Variants in ANGEL1 observed in about 807,000 individuals in gnomAD.
ANGEL1 encodes angel homolog 1.
ANGEL1 carries 62 observed loss-of-function variants against 76.4 expected under a neutral mutation model. The observed-to-expected ratio is 0.81, with a 90% CI of 0.66 to 1.00. ANGEL1 has a LOEUF of 1.00. Among genes scored for constraint, ANGEL1 ranks in the 50% least tolerant of loss-of-function variants. The pLI is 0.00. For missense variants in ANGEL1, 737 were observed against 836.7 expected (o/e 0.88, Z 1.47); for synonymous variants, 340 against 331.7 (o/e 1.03, Z -0.27).
In ANGEL1 at chr14:76,790,495, C is replaced by A. The variant is rs1894371568; in HGVS notation, c.1852+116G>T. On this transcript the variant is annotated intron_variant, in intron 9 of 9. Coordinates refer to ENST00000251089, the MANE Select transcript of ANGEL1 (RefSeq NM_015305.4). Reference sequence around the variant, plus strand: ...GACCAGTGCAAGGGAGGTATGAAATCTGCTCCTTTGCTGGTTAAATCCCAG... The same window carrying A: ...GACCAGTGCAAGGGAGGTATGAAATATGCTCCTTTGCTGGTTAAATCCCAG... 6 of 1,484,956 alleles carry A rather than the reference C, an allele frequency of 4.0e-6. No individual in the cohort carries two copies. In the Admixed American group the frequency reaches 1.4e-4, roughly 35 times the overall value. 92.0% of individuals were successfully genotyped at this position (1,484,956 alleles called of 1,614,324 possible). A position where few individuals can be genotyped will look rare whatever the true frequency, so the allele number is the denominator to read the frequency against.
Position 76,788,174 on chromosome 14 carries a change from G to A in ANGEL1, c.*1054C>T, listed in dbSNP as rs1196621694. ...AGGAACAGAAAATTGCTTCTTAGGA[G>A]TGGAGAGGAAAGAGAATCAGCTTAG... On this transcript the variant is annotated 3_prime_UTR_variant, in exon 10 of 10. Transcript: ENST00000251089. 1 of 152,252 alleles carries A rather than the reference G, an allele frequency of 6.6e-6. No homozygotes were observed. Among genetic ancestry groups the A allele is most frequent in the African/African-American group, 2.4e-5 (1 of 41,448 alleles). 9.4% of individuals were successfully genotyped at this position (152,252 alleles called of 1,614,324 possible). A position where few individuals can be genotyped will look rare whatever the true frequency, so the allele number is the denominator to read the frequency against.
At chr14:76,804,030 G>T (rs775349246) in intron 5 of ANGEL1, 118 bp from the exon 6 acceptor site, 38 of 1,595,076 alleles carry the variant, frequency 2.4e-5, no homozygotes, top group Non-Finnish European at 3.2e-5. Flanking sequence ...TACGTACATG[G>T]TATAAACAAG....
At chr14:76,793,425 G>GGGAGGGGAGA (rs1894476915) in intron 7 of ANGEL1, among the ~76,000 whole-genome samples, 1 of 82,252 alleles carries the variant, frequency 1.2e-5, no homozygotes, top group Non-Finnish European at 2.7e-5. Context: ...AAGAGGAGAG[G>GGGAGGGGAGA]GGAGGAGGAG....
chr14:76,796,925 GC>G (rs1422116520), intron 7 of ANGEL1, among the ~76,000 whole-genome samples: 2 of 150,636 alleles, frequency 1.3e-5, no homozygotes, highest in Non-Finnish European at 3.0e-5. Flanking sequence ...ATTACAATAT[GC>G]CACACACACA....
At chr14:76,810,833 A>T (rs1895062199) in intron 1 of ANGEL1, among the ~76,000 whole-genome samples, 1 of 152,214 alleles carries the variant, frequency 6.6e-6, no homozygotes, top group African/African-American at 2.4e-5. Context: ...TGAGCACAGT[A>T]TTTTGGTGAG....
chr14:76,789,376 T>C lies in ANGEL1; in HGVS notation c.1865A>G (p.Tyr622Cys), dbSNP rs1338748320. The change falls in exon 10 of 10, where the codon TAT becomes TGT. Residue 622 changes from tyrosine to cysteine, a missense_variant. This residue lies in a region of ANGEL1 where 296 missense variants were observed against 387.2 expected (regional missense o/e 0.76). Transcript: ENST00000251089. ...ENGNRTDHRL[Y>C]RDGTLKLLGR... ...CAGGAGCTTGAGAGTTCCATCTCGA[T>C]ACAGCCTGTGATCTGGGGCACAAAG... 7 of 1,614,046 alleles carry C rather than the reference T, an allele frequency of 4.3e-6. No individual in the cohort carries two copies. The highest frequency in any genetic ancestry group is 1.6e-4 in the Middle Eastern group (1 of 6,084).
chr14:76,789,016 A>C lies in ANGEL1; in HGVS notation c.*212T>G. ...AGGGCCACTGAGTGTGTGGCACAGG[A>C]TTAGGAAGAGGCTGGGGTGGGGCAA... On this transcript the variant is annotated 3_prime_UTR_variant, in exon 10 of 10. Transcript: ENST00000251089. 1.7e-6 allele frequency: 1 copy of C among 605,876 alleles called. No homozygotes were observed. The highest frequency in any genetic ancestry group is 2.8e-6 in the Non-Finnish European group (1 of 352,270). 37.5% of individuals were successfully genotyped at this position (605,876 alleles called of 1,614,324 possible).
At chr14:76,802,680 GAA>G (rs112496987) in intron 7 of ANGEL1, among the ~76,000 whole-genome samples, 1 of 140,610 alleles carries the variant, frequency 7.1e-6, no homozygotes, top group Non-Finnish European at 1.6e-5. Context: ...TACTCTTGTT[GAA>G]AAAAAAAAAA....
intron 8 of ANGEL1, 101 bp from the exon 9 acceptor site, chr14:76,790,875 C>A (rs1894385892): frequency 7.1e-7 from 1 of 1,414,358 alleles, no homozygotes. Flanking sequence ...AAAGGATGAT[C>A]TCAGATGACT....
intron 7 of ANGEL1, among the ~76,000 whole-genome samples, chr14:76,803,067 T>C (rs1029073847): frequency 6.6e-6 from 1 of 152,218 alleles, no homozygotes; most frequent in African/African-American, 2.4e-5. Context: ...GTGTAACTTC[T>C]CCCCTATATA....
rs2140217724 is a variant in ANGEL1, at chr14:76,798,728, ATT to A, written c.1618+4641_1618+4642del. The stretch of plus-strand genomic sequence containing the variant: ...TTTGGGAGGCCGAGGTGGGTGGATC[ATT>A]TGAGGCCAGGAGTTCAAGACCAGCC... On this transcript the variant is annotated intron_variant, in intron 7 of 9. Transcript: ENST00000251089. 2.6e-5 allele frequency among the ~76,000 whole-genome samples: 4 copies of A among 152,134 alleles called. 1 individual carries two copies. In the South Asian group the frequency reaches 8.3e-4, roughly 32 times the overall value.
At chr14:76,808,244 T>C (rs896670390) in intron 2 of ANGEL1, 96 bp from the exon 3 acceptor site, 16 of 1,049,000 alleles carry the variant, frequency 1.5e-5, no homozygotes, top group Admixed American at 4.7e-5. Flanking sequence ...TGCCTGAAGT[T>C]CCTTTTTCCA....
intron 7 of ANGEL1, among the ~76,000 whole-genome samples, chr14:76,797,566 CT>C (rs1346310973): frequency 6.6e-6 from 1 of 152,246 alleles, no homozygotes; most frequent in East Asian, 1.9e-4. Context: ...CGCCAATGCA[CT>C]CCAGCCCGGG....
chr14:76,793,402 GGGGATAAAAGGAAAGAGGA>G, intron 7 of ANGEL1, among the ~76,000 whole-genome samples: 1 of 53,420 alleles, frequency 1.9e-5, no homozygotes, highest in Non-Finnish European at 4.2e-5. Context: ...GGAGGGGAGA[GGGGATAAAAGGAAAGAGGA>G]GAGGGGAGGA....
At chr14:76,803,541 T>A in intron 6 of ANGEL1, 60 bp from the exon 7 acceptor site, 3 of 1,537,432 alleles carry the variant, frequency 2.0e-6, no homozygotes, top group Non-Finnish European at 2.7e-6. Flanking sequence ...TGCTGAGACC[T>A]CCTTAGTACC....
chr14:76,812,608 CGGGGCAG>C (rs1895122344), intron 1 of ANGEL1, 149 bp downstream of exon 1: 1 of 1,300,890 alleles, frequency 7.7e-7, no homozygotes, highest in Non-Finnish European at 9.8e-7. Flanking sequence ...GAGGGGCCCG[CGGGGCAG>C]GGGCTCAGGA....
chr14:76,793,397 GGAGAGGGGA>G, intron 7 of ANGEL1, among the ~76,000 whole-genome samples: 1 of 51,610 alleles, frequency 1.9e-5, no homozygotes, highest in Non-Finnish European at 4.5e-5. Context: ...GGAGAGGAGG[GGAGAGGGGA>G]TAAAAGGAAA....
Position 76,812,798 on chromosome 14 carries a change from C to G in ANGEL1, c.30G>C (p.Leu10=). 6.6e-7 allele frequency: 1 copy of G among 1,521,592 alleles called. No homozygotes were observed. The highest frequency in any genetic ancestry group is 8.8e-7 in the Non-Finnish European group (1 of 1,139,446). 94.3% of individuals were successfully genotyped at this position (1,521,592 alleles called of 1,614,324 possible). A position where few individuals can be genotyped will look rare whatever the true frequency, so the allele number is the denominator to read the frequency against. MIASCLCYL[L]LPATRLFRAL... is the part of the protein sequence containing the mutation. Reference sequence around the variant, plus strand: ...CGCGGAAGAGGCGCGTGGCCGGCAGCAGCAGGTAACACAAGCACGACGCGA... The same window carrying G: ...CGCGGAAGAGGCGCGTGGCCGGCAGGAGCAGGTAACACAAGCACGACGCGA... Residue 10 remains leucine (L), a synonymous_variant, in exon 1 of 10, where the codon CTG becomes CTC. Transcript: ENST00000251089.
chr14:76,812,140 T>C (rs8004199), intron 1 of ANGEL1, among the ~76,000 whole-genome samples: 24,195 of 152,222 alleles, frequency 0.16, 2,114 homozygotes, highest in African/African-American at 0.2. Context: ...CGACTGGGCA[T>C]TGCCCCCACC....
Sources: gnomAD v4.1 joint callset for allele counts (sites outside exome capture counted in the v4.1 genomes callset) on GRCh38, gnomAD v4.1.1 for gene constraint, gnomAD v4.1.1 regional missense constraint, MANE v1.5 for transcripts, NCBI Gene and HGNC (gene_info 2026-07-23, HGNC 2026-07-21) for gene names.